The following SUPT3H variants were observed in gnomAD, a reference collection of about 807,000 sequenced individuals.
SUPT3H encodes SPT3 homolog, SAGA and STAGA complex component, also known as transcription initiation protein SPT3 homolog.
Under a neutral mutation model 44.3 loss-of-function variants are expected in SUPT3H, and 44 were observed. That is an observed-to-expected ratio of 0.99 (90% CI 0.78 to 1.28). SUPT3H has a LOEUF of 1.28. Ranked by LOEUF, SUPT3H falls within the 50% of genes most tolerant of loss-of-function variation. SUPT3H has a pLI of 0.00. For missense variants in SUPT3H, 380 were observed against 387.1 expected (o/e 0.98, Z 0.15); for synonymous variants, 124 against 125.6 (o/e 0.99, Z 0.09).
At chr6:45,150,140 T>G (rs1806692841) in intron 2 of SUPT3H, among the ~76,000 whole-genome samples, 1 of 152,164 alleles carries the variant, frequency 6.6e-6, no homozygotes, top group Non-Finnish European at 1.5e-5. Flanking sequence ...AAGCTTATTT[T>G]TTTTACTCAT....
intron 2 of SUPT3H, among the ~76,000 whole-genome samples, chr6:45,188,236 T>C (rs1814572168): frequency 6.6e-6 from 1 of 152,256 alleles, no homozygotes; most frequent in Non-Finnish European, 1.5e-5. Flanking sequence ...AAGTGGTTTC[T>C]TAAATTGGAA....
chr6:45,213,974 CATGTT>C (rs1463980826), intron 2 of SUPT3H, among the ~76,000 whole-genome samples: 1 of 116,824 alleles, frequency 8.6e-6, no homozygotes. Flanking sequence ...TGTCCATAAT[CATGTT>C]AATAACACTC....
intron 2 of SUPT3H, among the ~76,000 whole-genome samples, chr6:45,109,973 G>A (rs1033641826): frequency 2.0e-5 from 3 of 151,924 alleles, no homozygotes; most frequent in Admixed American, 6.6e-5. Context: ...TACCAGTACT[G>A]CCTGACTACC....
At chr6:45,159,648 C>T (rs1808612422) in intron 2 of SUPT3H, 1 of 152,176 alleles carries the variant, frequency 6.6e-6, no homozygotes, top group Non-Finnish European at 1.5e-5. Flanking sequence ...ACTTGCTACA[C>T]AACTCTATCA....
At chr6:45,205,464 T>C (rs1162291417) in intron 2 of SUPT3H, among the ~76,000 whole-genome samples, 1 of 152,114 alleles carries the variant, frequency 6.6e-6, no homozygotes, top group Non-Finnish European at 1.5e-5. Context: ...ATATAATGTA[T>C]AGCTTACAAA....
chr6:44,835,066 A>C (rs1162763081), intron 10 of SUPT3H, among the ~76,000 whole-genome samples: 1 of 152,160 alleles, frequency 6.6e-6, no homozygotes, highest in Non-Finnish European at 1.5e-5. Context: ...TGGACAAAGC[A>C]TCAAAATAAG....
At position 45,253,848 on chromosome 6, in the gene SUPT3H, CATAT is replaced by C. The variant is rs34256293; in HGVS notation, c.101+111349_101+111352del. ...AAAAATACACACGTACACATATACG[CATAT>C]ATATATATATATATATATATACACA... On this transcript the variant is annotated intron_variant, in intron 2 of 10. Coordinates refer to ENST00000371459, the MANE Select transcript of SUPT3H (RefSeq NM_003599.4). Among the ~76,000 whole-genome samples, 730 of 88,622 alleles carry C rather than the reference CATAT, an allele frequency of 8.2e-3. 29 individuals carry two copies. The highest frequency in any genetic ancestry group is 0.044 in the South Asian group (106 of 2,406). The allele number at this position is 88,622 out of a possible 152,430, so 58.1% of individuals were successfully genotyped here. A position where few individuals can be genotyped will look rare whatever the true frequency, so the allele number is the denominator to read the frequency against.
At chr6:45,033,364 G>A (rs1286795326) in intron 3 of SUPT3H, among the ~76,000 whole-genome samples, 1 of 152,040 alleles carries the variant, frequency 6.6e-6, no homozygotes, top group Non-Finnish European at 1.5e-5. Context: ...TAGCCTCTTT[G>A]TTCCTTCAAT....
chr6:45,329,337 CTAAA>C (rs1208500689), intron 2 of SUPT3H, among the ~76,000 whole-genome samples: 8 of 151,916 alleles, frequency 5.3e-5, no homozygotes, highest in Non-Finnish European at 7.4e-5. Context: ...TGTATCCTAT[CTAAA>C]TAAGTTTGTT....
chr6:44,998,574 A>G (rs1781575098), intron 6 of SUPT3H, among the ~76,000 whole-genome samples: 1 of 150,596 alleles, frequency 6.6e-6, no homozygotes, highest in African/African-American at 2.4e-5. Context: ...GGCAAATAAA[A>G]GTGGTAACAG....
chr6:45,336,098 T>C (rs529078835), intron 2 of SUPT3H, among the ~76,000 whole-genome samples: 1 of 151,502 alleles, frequency 6.6e-6, no homozygotes, highest in South Asian at 2.1e-4. Context: ...TAAACTCCAG[T>C]GTCCACCCAG....
chr6:45,187,677 A>C (rs1440170778), intron 2 of SUPT3H, among the ~76,000 whole-genome samples: 1 of 152,220 alleles, frequency 6.6e-6, no homozygotes, highest in African/African-American at 2.4e-5. Flanking sequence ...ACCTGATTTT[A>C]TAACTATTAT....
At chr6:45,293,241 G>T (rs1261770194) in intron 2 of SUPT3H, among the ~76,000 whole-genome samples, 1 of 152,054 alleles carries the variant, frequency 6.6e-6, no homozygotes, top group Non-Finnish European at 1.5e-5. Flanking sequence ...ATAATCAGTG[G>T]GTCAAAAATG....
intron 4 of SUPT3H, among the ~76,000 whole-genome samples, chr6:45,017,080 T>A (rs2153515510): frequency 6.6e-6 from 1 of 152,146 alleles, no homozygotes; most frequent in South Asian, 2.1e-4. Flanking sequence ...TGATTTGCAT[T>A]TCTCTGATGG....
At chr6:45,145,207 C>CA (rs1270208768) in intron 2 of SUPT3H, among the ~76,000 whole-genome samples, 3 of 151,546 alleles carry the variant, frequency 2.0e-5, no homozygotes, top group Non-Finnish European at 2.9e-5. Context: ...CCTACATAGC[C>CA]AAAAAAAGAC....
At chr6:44,968,032 A>C (rs1411846618) in intron 6 of SUPT3H, among the ~76,000 whole-genome samples, 1 of 152,050 alleles carries the variant, frequency 6.6e-6, no homozygotes, top group Non-Finnish European at 1.5e-5. Flanking sequence ...GCCTCAAGTG[A>C]TCCTCCTGCC....
chr6:44,935,065 T>C (rs1348238351), intron 9 of SUPT3H, among the ~76,000 whole-genome samples: 1 of 152,216 alleles, frequency 6.6e-6, no homozygotes, highest in Non-Finnish European at 1.5e-5. Flanking sequence ...ATTCAGCAAC[T>C]GTTAACATTA....
intron 10 of SUPT3H, among the ~76,000 whole-genome samples, chr6:44,916,751 T>C (rs539481359): frequency 6.6e-6 from 1 of 152,300 alleles, no homozygotes; most frequent in East Asian, 1.9e-4. Context: ...ATAATAATGA[T>C]TTTTAAATAC....
intron 2 of SUPT3H, among the ~76,000 whole-genome samples, chr6:45,200,846 A>G (rs934769297): frequency 1.3e-5 from 2 of 151,576 alleles, no homozygotes; most frequent in African/African-American, 2.4e-5. Context: ...TGAGGATGCT[A>G]CCATAAACTT....
Sources: allele counts gnomAD v4.1 joint callset (sites outside exome capture counted in the v4.1 genomes callset), GRCh38; gene constraint gnomAD v4.1.1; transcripts MANE v1.5; gene names NCBI Gene and HGNC (gene_info 2026-07-23, HGNC 2026-07-21).